The following KIAA1614 variants were observed in gnomAD, a reference collection of about 807,000 sequenced individuals.
The protein encoded by KIAA1614 is uncharacterized protein KIAA1614.
KIAA1614 carries 76 observed loss-of-function variants against 88.7 expected under a neutral mutation model. The ratio of observed to expected loss-of-function variants is 0.86; its 90% CI spans 0.71 to 1.04. The LOEUF (loss-of-function observed/expected upper bound fraction) is 1.04. Among genes scored for constraint, KIAA1614 ranks in the 50% least tolerant of loss-of-function variants. The probability of loss-of-function intolerance (pLI) is 0.00; values close to 1 mark genes in which losing one functional copy is unlikely to be tolerated. For missense variants in KIAA1614, 1,553 were observed against 1,582.5 expected (o/e 0.98, Z 0.32); for synonymous variants, 714 against 675.5 (o/e 1.06, Z -0.88).
chr1:180,923,865 C>G (rs1654007726), intron 3 of KIAA1614, among the ~76,000 whole-genome samples: 1 of 151,962 alleles, frequency 6.6e-6, no homozygotes, highest in African/African-American at 2.4e-5. Context: ...CGGAAGAATG[C>G]CTGAGCCCCT....
Position 180,951,297 on chromosome 1 carries a change from C to G in KIAA1614, c.*5709C>G, listed in dbSNP as rs1314911372. ...GGGACCGGCCAGACCAGCCCCATGCCACCCCGGCCGCTGCCTCTGCCCAGG... is the reference window on the plus strand; with the variant it reads ...GGGACCGGCCAGACCAGCCCCATGCGACCCCGGCCGCTGCCTCTGCCCAGG... On this transcript the variant is annotated 3_prime_UTR_variant, in exon 9 of 9. Coordinates refer to ENST00000367588, the MANE Select transcript of KIAA1614 (RefSeq NM_020950.2). The G allele has an allele frequency of 1.3e-5, 2 of 152,374 alleles. No homozygotes were observed. The highest frequency in any genetic ancestry group is 3.8e-4 in the East Asian group (2 of 5,212). The allele number at this position is 152,374 out of a possible 1,614,324, so 9.4% of individuals were successfully genotyped here.
chr1:180,913,595 G>T (rs1653710900), intron 1 of KIAA1614, among the ~76,000 whole-genome samples: 1 of 152,302 alleles, frequency 6.6e-6, no homozygotes, highest in South Asian at 2.1e-4. Context: ...GGTCTCTGGC[G>T]TGCTGTTCCA....
intron 4 of KIAA1614, among the ~76,000 whole-genome samples, chr1:180,934,252 C>CAAAAAAAAAA (rs71121058): frequency 9.8e-6 from 1 of 101,798 alleles, no homozygotes; most frequent in African/African-American, 4.3e-5. Flanking sequence ...AACTCCGTCT[C>CAAAAAAAAAA]AAAAAAAAAA....
Position 180,926,370 on chromosome 1 carries a change from G to A in KIAA1614, c.1062-2060G>A, listed in dbSNP as rs548298380. ...GGTGACTGCCACTCCTCCATGCTCA[G>A]TGTGGTACTGCATGGATGCCTCTAG... On this transcript the variant is annotated intron_variant, in intron 3 of 8. Coordinates refer to ENST00000367588, the MANE Select transcript of KIAA1614 (RefSeq NM_020950.2). Among the ~76,000 whole-genome samples, 10 of 151,808 alleles carry A rather than the reference G, an allele frequency of 6.6e-5. No homozygotes were observed. The South Asian group carries it at 2.1e-3, about 32-fold the overall frequency.
intron 3 of KIAA1614, among the ~76,000 whole-genome samples, chr1:180,924,157 T>C (rs779597536): frequency 1.3e-5 from 2 of 152,194 alleles, no homozygotes; most frequent in African/African-American, 2.4e-5. Context: ...GAAAATCTCA[T>C]GATGGTCCCA....
rs143023424 is a variant in KIAA1614 at position 180,944,215 on chromosome 1, C to T, written c.3160-174C>T. On this transcript the variant is annotated intron_variant, in intron 7 of 8. Coordinates refer to ENST00000367588, the MANE Select transcript of KIAA1614 (RefSeq NM_020950.2). ...TGACTCCTCAGATGGCCTATGTAGA[C>T]CCATGATGTCCTTGAGTAAGTCATG... 2,739 of 588,338 alleles carry T rather than the reference C, an allele frequency of 4.7e-3. 25 individuals are homozygous for T. Among genetic ancestry groups the T allele is most frequent in the South Asian group, 0.015 (726 of 49,162 alleles). 36.4% of individuals were successfully genotyped at this position (588,338 alleles called of 1,614,324 possible). A position where few individuals can be genotyped will look rare whatever the true frequency, so the allele number is the denominator to read the frequency against.
At position 180,935,669 on chromosome 1, in the gene KIAA1614, C is replaced by T. The variant is rs1455103131; in HGVS notation, c.1760C>T (p.Pro587Leu). 6.2e-7 allele frequency: 1 copy of T among 1,613,300 alleles called. No homozygotes were observed. The highest frequency in any genetic ancestry group is 2.2e-5 in the East Asian group (1 of 44,870). Residue 587 changes from proline to leucine, a missense_variant, in exon 5 of 9, where the codon CCC becomes CTC. Transcript: ENST00000367588. The surrounding 1 kb of genome is among the most constrained non-coding windows in gnomAD (Gnocchi z 6.1). ...CCACTCCGGCTCCTTCCTGCAGAGC[C>T]CCGGCTCCACATGGAATGGATCCGG... Reference protein sequence around the residue: ...SSPLRLLPAEPRLHMEWIRET... With the variant: ...SSPLRLLPAELRLHMEWIRET...
At position 180,947,796 on chromosome 1, in the gene KIAA1614, G is replaced by A. The variant is rs1333976378; in HGVS notation, c.*2208G>A. The A allele has an allele frequency of 6.6e-6, 1 of 152,222 alleles. No individual in the cohort carries two copies. Among genetic ancestry groups the A allele is most frequent in the Admixed American group, 6.5e-5 (1 of 15,290 alleles). 9.4% of individuals were successfully genotyped at this position (152,222 alleles called of 1,614,324 possible). Reference sequence around the variant, plus strand: ...TGAGGATGACAAAACCTACCTAGAAGAGTCATAAGGAGCATTTGGTAAGGC... The same window carrying A: ...TGAGGATGACAAAACCTACCTAGAAAAGTCATAAGGAGCATTTGGTAAGGC... On this transcript the variant is annotated 3_prime_UTR_variant, in exon 9 of 9. Coordinates refer to ENST00000367588, the MANE Select transcript of KIAA1614 (RefSeq NM_020950.2).
chr1:180,919,572 C>T (rs1031386712), intron 3 of KIAA1614, among the ~76,000 whole-genome samples: 1 of 152,108 alleles, frequency 6.6e-6, no homozygotes, highest in African/African-American at 2.4e-5. Flanking sequence ...CTGCAGCTGC[C>T]CCCACCCCCT....
intron 8 of KIAA1614, 152 bp from the exon 9 acceptor site, chr1:180,945,151 C>A: frequency 2.2e-6 from 2 of 922,348 alleles, no homozygotes; most frequent in Non-Finnish European, 3.1e-6. Context: ...TTGGCCCTAG[C>A]AGGCTCTTTT....
At chr1:180,931,644 C>T (rs1654199161) in intron 4 of KIAA1614, among the ~76,000 whole-genome samples, 1 of 152,222 alleles carries the variant, frequency 6.6e-6, no homozygotes, top group Non-Finnish European at 1.5e-5. Flanking sequence ...TGATTAAGCG[C>T]TCCTCAATTT....
At position 180,948,355 on chromosome 1, in the gene KIAA1614, G is replaced by A. The variant is rs1403597250; in HGVS notation, c.*2767G>A. 47 of 152,274 alleles carry A rather than the reference G, an allele frequency of 3.1e-4. No homozygotes were observed. The highest frequency in any genetic ancestry group is 3.0e-3 in the Admixed American group (46 of 15,294). The allele number at this position is 152,274 out of a possible 1,614,324, so 9.4% of individuals were successfully genotyped here. A position where few individuals can be genotyped will look rare whatever the true frequency, so the allele number is the denominator to read the frequency against. ...CATCCGACTCTATATGAGCCTGTGA[G>A]AACAGCAGGCTTTGCCTTCTGCTTC... On this transcript the variant is annotated 3_prime_UTR_variant, in exon 9 of 9. Transcript: ENST00000367588.
At position 180,935,295 on chromosome 1, in the gene KIAA1614, C is replaced by A; in HGVS notation, c.1386C>A (p.Phe462Leu). 1 of 1,498,234 alleles carries A rather than the reference C, an allele frequency of 6.7e-7. No individual in the cohort carries two copies. Among genetic ancestry groups the A allele is most frequent in the East Asian group, 2.5e-5 (1 of 40,284 alleles). 92.8% of individuals were successfully genotyped at this position (1,498,234 alleles called of 1,614,324 possible). A position where few individuals can be genotyped will look rare whatever the true frequency, so the allele number is the denominator to read the frequency against. Reference sequence around the variant, plus strand: ...ATGAGTCCGCCCGCGAAGCCGAGTTCCGTCACCTGGAGCGGCTGCAGCAGC... The same window carrying A: ...ATGAGTCCGCCCGCGAAGCCGAGTTACGTCACCTGGAGCGGCTGCAGCAGC... ...FEDESAREAE[F>L]RHLERLQQRQ... Residue 462 changes from phenylalanine to leucine, a missense_variant, in exon 5 of 9, where the codon TTC (phenylalanine) becomes TTA (leucine). Transcript: ENST00000367588. This position sits in a 1 kb window ranked among gnomAD's most constrained non-coding sequence, Gnocchi z 6.1.
chr1:180,913,995 T>C (rs1413921623), intron 1 of KIAA1614: 1 of 152,232 alleles, frequency 6.6e-6, no homozygotes, highest in Non-Finnish European at 1.5e-5. Flanking sequence ...ATATGTGCAT[T>C]CCTGAAAGCT....
At position 180,916,787 on chromosome 1, in the gene KIAA1614, C is replaced by T; in HGVS notation, c.684C>T (p.Asn228=). 6.2e-7 allele frequency: 1 copy of T among 1,614,240 alleles called. No homozygotes were observed. Among genetic ancestry groups the T allele is most frequent in the Non-Finnish European group, 8.5e-7 (1 of 1,180,042 alleles). Residue 228 remains asparagine (N), a synonymous_variant, in exon 2 of 9, where the codon AAC becomes AAT. Transcript: ENST00000367588. ...PGRPGGPGHC[N]KIIHIPSPRT... ...GGCCTGGGGGTCCTGGTCATTGTAACAAAATCATCCACATTCCCAGCCCAA... is the reference window on the plus strand; with the variant it reads ...GGCCTGGGGGTCCTGGTCATTGTAATAAAATCATCCACATTCCCAGCCCAA...
chr1:180,931,493 G>T (rs1414540582), intron 4 of KIAA1614, among the ~76,000 whole-genome samples: 1 of 152,250 alleles, frequency 6.6e-6, no homozygotes, highest in Non-Finnish European at 1.5e-5. Context: ...GAACTTGGCA[G>T]GTGTGGGATT....
At chr1:180,928,197 G>C (rs1033118059) in intron 3 of KIAA1614, 3 of 439,282 alleles carry the variant, frequency 6.8e-6, no homozygotes, top group Non-Finnish European at 1.2e-5. Flanking sequence ...GTCCAAGGCC[G>C]GGCCAGCTCC....
intron 3 of KIAA1614, among the ~76,000 whole-genome samples, chr1:180,918,987 G>A (rs906710402): frequency 2.6e-5 from 4 of 152,118 alleles, no homozygotes; most frequent in African/African-American, 9.7e-5. Context: ...GTGCCCTCAG[G>A]TGGAGGAAAG....
chr1:180,917,224 C>G, intron 2 of KIAA1614, 124 bp downstream of exon 2: 1 of 719,484 alleles, frequency 1.4e-6, no homozygotes, highest in Non-Finnish European at 2.3e-6. Flanking sequence ...CTGACAGTTG[C>G]CTGTCATCAA....
Sources: allele counts gnomAD v4.1 joint callset (sites outside exome capture counted in the v4.1 genomes callset), GRCh38; gene constraint gnomAD v4.1.1; non-coding constraint Gnocchi (gnomAD v3.1); transcripts MANE v1.5; gene names NCBI Gene and HGNC (gene_info 2026-07-23, HGNC 2026-07-21).